Variants in SPTBN4 observed in about 807,000 individuals in gnomAD.
SPTBN4 encodes the protein spectrin beta, non-erythrocytic 4, also known as spectrin beta chain, non-erythrocytic 4.
A neutral mutation model predicts 277.8 loss-of-function variants in SPTBN4; 96 were observed. The ratio of observed to expected loss-of-function variants is 0.35; its 90% CI spans 0.29 to 0.41. The LOEUF (loss-of-function observed/expected upper bound fraction) is 0.41, where lower values mean the gene tolerates loss of function less well. Among genes scored for constraint, SPTBN4 ranks in the 10% least tolerant of loss-of-function variants. The pLI, the probability that SPTBN4 is intolerant of heterozygous loss-of-function variation, is 1.00. For missense variants in SPTBN4, 3,006 were observed against 3,595.7 expected (o/e 0.84, Z 4.19); for synonymous variants, 1,481 against 1,580.3 (o/e 0.94, Z 1.49).
In SPTBN4 at chr19:40,512,656, C is replaced by T. The variant is rs1407036453; in HGVS notation, c.1867C>T (p.His623Tyr). The T allele has an allele frequency of 6.5e-7, 1 of 1,540,886 alleles. No homozygotes were observed. Among genetic ancestry groups the T allele is most frequent in the Admixed American group, 1.9e-5 (1 of 52,374 alleles). Residue 623 changes from histidine to tyrosine, a missense_variant, in exon 14 of 36, where the codon CAC (histidine) becomes TAC (tyrosine). This residue lies in a region of SPTBN4 where 1,759 missense variants were observed against 2,061.5 expected (regional missense o/e 0.85). Transcript: ENST00000598249. ...CATCTGCAACCGCGTGAACCACGTGCACGGCTGCCTGGCGGAGCTGCAGGA... is the reference window on the plus strand; with the variant it reads ...CATCTGCAACCGCGTGAACCACGTGTACGGCTGCCTGGCGGAGCTGCAGGA... ...QVICNRVNHV[H>Y]GCLAELQEQA...
chr19:40,519,474 G>C lies in SPTBN4; in HGVS notation c.2977G>C (p.Val993Leu). ...MSAVLLVENHVLEVAEVRAQV... is the reference protein window; with the variant it reads ...MSAVLLVENHLLEVAEVRAQV... ...CGCGGTGCTGCTGGTGGAGAACCAC[G>C]TGCTGGAGGTGGCCGAGGTGCGCGC... is the stretch of plus-strand genomic sequence containing the variant. The change falls in exon 16 of 36, where the codon GTG becomes CTG. Residue 993 changes from valine (V) to leucine (L), a missense_variant. Transcript: ENST00000598249. This position sits in a 1 kb window ranked among gnomAD's most constrained non-coding sequence, Gnocchi z 5.7. 1.2e-6 allele frequency: 2 copies of C among 1,607,672 alleles called. No individual in the cohort carries two copies. Among genetic ancestry groups the C allele is most frequent in the Non-Finnish European group, 1.7e-6 (2 of 1,178,118 alleles).
intron 1 of SPTBN4, among the ~76,000 whole-genome samples, chr19:40,471,398 G>A (rs949499350): frequency 1.3e-5 from 2 of 152,088 alleles, no homozygotes; most frequent in Admixed American, 6.6e-5. Context: ...AATAAGAGAA[G>A]GTACATGAAG....
At chr19:40,572,548 C>T (rs1034968083) in intron 35 of SPTBN4, 168 bp downstream of exon 35, 1 of 782,444 alleles carries the variant, frequency 1.3e-6, no homozygotes, top group South Asian at 1.8e-5. Flanking sequence ...AGGTTCCTAA[C>T]CCAGTGGGGA....
In SPTBN4 at chr19:40,480,120, G is replaced by A. The variant is rs140186602; in HGVS notation, c.169+7330G>A. On this transcript the variant is annotated intron_variant, in intron 2 of 35. Transcript: ENST00000598249. ...CAGAAAATTAGCTGGGCGTGGTGGTGGGCACTTGTAGTCCCAGCTGCACGT... is the reference window on the plus strand; with the variant it reads ...CAGAAAATTAGCTGGGCGTGGTGGTAGGCACTTGTAGTCCCAGCTGCACGT... Among the ~76,000 whole-genome samples, 503 of 152,038 alleles carry A rather than the reference G, an allele frequency of 3.3e-3. 4 individuals are homozygous for A. Among genetic ancestry groups the A allele is most frequent in the African/African-American group, 0.011 (470 of 41,470 alleles).
intron 32 of SPTBN4, among the ~76,000 whole-genome samples, chr19:40,569,949 CACACACACACACACACACACACACAG>C (rs2081134815): frequency 6.1e-5 from 9 of 147,454 alleles, no homozygotes; most frequent in African/African-American, 2.0e-4. Flanking sequence ...CACACACACA[CACACACACACACACACACACACACAG>C]ACACACACAC....
At chr19:40,523,396 G>A in intron 16 of SPTBN4, 41 bp from the exon 17 acceptor site, 1 of 1,542,590 alleles carries the variant, frequency 6.5e-7, no homozygotes, top group South Asian at 1.2e-5. Flanking sequence ...GTCCTGGAAT[G>A]GAATGAGGCT....
chr19:40,502,633 G>A lies in SPTBN4; in HGVS notation c.1203+126G>A, dbSNP rs923130128. On this transcript the variant is annotated intron_variant, in intron 10 of 35. Transcript: ENST00000598249. The surrounding 1 kb of genome is among the most constrained non-coding windows in gnomAD (Gnocchi z 4.9). The stretch of plus-strand genomic sequence containing the variant: ...AGATATTCATTCTGACAGTTTTTCA[G>A]TAGTAAAGTGTCATAAGGAAGCAAT... The A allele has an allele frequency of 6.9e-7, 1 of 1,438,998 alleles. No individual in the cohort carries two copies. The highest frequency in any genetic ancestry group is 1.4e-5 in the African/African-American group (1 of 70,526). 89.1% of individuals were successfully genotyped at this position (1,438,998 alleles called of 1,614,324 possible).
At chr19:40,507,202 C>T (rs1414389115) in intron 13 of SPTBN4, among the ~76,000 whole-genome samples, 1 of 151,624 alleles carries the variant, frequency 6.6e-6, no homozygotes, top group Non-Finnish European at 1.5e-5. Context: ...GTAGTCCCAG[C>T]CACTGCAGAG....
In SPTBN4 at chr19:40,504,625, C is replaced by T. The variant is rs532123322; in HGVS notation, c.1665+493C>T. 2.9e-3 allele frequency among the ~76,000 whole-genome samples: 436 copies of T among 151,482 alleles called. 3 individuals are homozygous for T. Among genetic ancestry groups the T allele is most frequent in the African/African-American group, 9.8e-3 (403 of 41,276 alleles). ...CGGAGCTTGCAGGGAGCCGAGATCC[C>T]GCCACTGCACTCCAGCCTGGGCGAC... is the stretch of plus-strand genomic sequence containing the variant. On this transcript the variant is annotated intron_variant, in intron 12 of 35. Coordinates refer to ENST00000598249, the MANE Select transcript of SPTBN4 (RefSeq NM_020971.3).
At position 40,515,922 on chromosome 19, in the gene SPTBN4, T is replaced by TATATATACACACAC. The variant is rs750258682; in HGVS notation, c.2903+487_2903+488insCATATATACACACA. Among the ~76,000 whole-genome samples the TATATATACACACAC allele has an allele frequency of 6.1e-3, 638 of 105,278 alleles. 42 individuals carry two copies. Among genetic ancestry groups the TATATATACACACAC allele is most frequent in the African/African-American group, 0.032 (588 of 18,362 alleles). 69.1% of individuals were successfully genotyped at this position (105,278 alleles called of 152,430 possible). ...CACAAAATATATATATACACACACA[T>TATATATACACACAC]ATATATACACACATATATACGTATA... On this transcript the variant is annotated intron_variant, in intron 15 of 35. Transcript: ENST00000598249. This position sits in a 1 kb window ranked among gnomAD's most constrained non-coding sequence, Gnocchi z 4.1.
intron 18 of SPTBN4, among the ~76,000 whole-genome samples, chr19:40,531,959 G>A (rs1452646734): frequency 1.3e-5 from 2 of 151,996 alleles, no homozygotes; most frequent in African/African-American, 2.4e-5. Context: ...AGAGTCCCAG[G>A]GCTAGAACTG....
At position 40,567,984 on chromosome 19, in the gene SPTBN4, A is replaced by AC; in HGVS notation, c.6663dup (p.Ala2222ArgfsTer17). ...AGAGGACGCGGCGGAGACCCCCGCG[A>AC]CCCCCGCGGCGGCGGAGCAGGTGCG... On this transcript the variant is annotated frameshift_variant, in exon 31 of 36. Transcript: ENST00000598249. LOFTEE classifies it high-confidence loss of function. 6.7e-7 allele frequency: 1 copy of AC among 1,499,758 alleles called. No individual in the cohort carries two copies. 92.9% of individuals were successfully genotyped at this position (1,499,758 alleles called of 1,614,324 possible).
intron 3 of SPTBN4, among the ~76,000 whole-genome samples, chr19:40,488,611 T>G (rs747224891): frequency 6.6e-6 from 1 of 152,044 alleles, no homozygotes; most frequent in Non-Finnish European, 1.5e-5. Flanking sequence ...GGCAACATAA[T>G]GAGACCCCCG....
At position 40,504,152 on chromosome 19, in the gene SPTBN4, G is replaced by GGGGGGGGCCCCC; in HGVS notation, c.1665+20_1665+21insGGGGGGGCCCCC. 1 of 877,204 alleles carries GGGGGGGGCCCCC rather than the reference G, an allele frequency of 1.1e-6. No homozygotes were observed. Among genetic ancestry groups the GGGGGGGGCCCCC allele is most frequent in the African/African-American group, 2.2e-5 (1 of 46,066 alleles). 54.3% of individuals were successfully genotyped at this position (877,204 alleles called of 1,614,324 possible). On this transcript the variant is annotated intron_variant, in intron 12 of 35. Coordinates refer to ENST00000598249, the MANE Select transcript of SPTBN4 (RefSeq NM_020971.3). ...ATGCAGGTGCCGGCGGGGGGGCGGG[G>GGGGGGGGCCCCC]ATGCGGGTGGAGTGCCAGGAGGGAG...
intron 12 of SPTBN4, among the ~76,000 whole-genome samples, chr19:40,505,396 A>AAG (rs2080314456): frequency 6.9e-6 from 1 of 145,012 alleles, no homozygotes; most frequent in African/African-American, 2.6e-5. Context: ...AAAAAAAAAA[A>AAG]AAAAAAAAGA....
intron 19 of SPTBN4, among the ~76,000 whole-genome samples, chr19:40,533,668 T>A (rs980394865): frequency 2.0e-5 from 3 of 151,992 alleles, no homozygotes; most frequent in African/African-American, 4.8e-5. Flanking sequence ...CCCTCTATCT[T>A]TCTTTCCTGT....
intron 2 of SPTBN4, among the ~76,000 whole-genome samples, chr19:40,483,068 C>T (rs1342274848): frequency 6.6e-5 from 10 of 152,156 alleles, no homozygotes; most frequent in South Asian, 4.2e-4. Flanking sequence ...TTCCCAAAAT[C>T]GATGATCCCC....
At position 40,554,166 on chromosome 19, in the gene SPTBN4, A is replaced by G; in HGVS notation, c.4694A>G (p.Gln1565Arg). The G allele has an allele frequency of 1.4e-6, 2 of 1,444,036 alleles. No individual in the cohort carries two copies. Among genetic ancestry groups the G allele is most frequent in the Non-Finnish European group, 9.0e-7 (1 of 1,114,470 alleles). 89.5% of individuals were successfully genotyped at this position (1,444,036 alleles called of 1,614,324 possible). ...CCCCAGGGCCTGCGGCGGGAGATCC[A>G]GGCGCATGGGCCGCGCCTGGAGGAG... Reference protein sequence around the residue: ...KKNQGLRREIQAHGPRLEEVL... With the variant: ...KKNQGLRREIRAHGPRLEEVL... Residue 1565 changes from glutamine (Q) to arginine (R), a missense_variant, in exon 23 of 36, where the codon CAG (glutamine) becomes CGG (arginine). Physicochemically the swap from Gln to Arg is conservative, Grantham distance 43. Coordinates refer to ENST00000598249, the MANE Select transcript of SPTBN4 (RefSeq NM_020971.3). This position sits in a 1 kb window ranked among gnomAD's most constrained non-coding sequence, Gnocchi z 5.7.
chr19:40,522,522 T>A (rs1044924465), intron 16 of SPTBN4, among the ~76,000 whole-genome samples: 4 of 150,972 alleles, frequency 2.6e-5, no homozygotes, highest in African/African-American at 4.9e-5. Flanking sequence ...CCGGCTAATA[T>A]TTGTATTTGT....
Sources: gnomAD v4.1 joint callset for allele counts (sites outside exome capture counted in the v4.1 genomes callset) on GRCh38, gnomAD v4.1.1 for gene constraint, gnomAD v4.1.1 regional missense constraint, Gnocchi (gnomAD v3.1) non-coding constraint, MANE v1.5 for transcripts, NCBI Gene and HGNC (gene_info 2026-07-23, HGNC 2026-07-21) for gene names.